Variants in CTNND2 observed in about 807,000 individuals in gnomAD.
CTNND2 encodes catenin delta-2.
A neutral mutation model predicts 144.4 loss-of-function variants in CTNND2; 22 were observed. The observed-to-expected ratio is 0.15, with a 90% CI of 0.11 to 0.22. The LOEUF (loss-of-function observed/expected upper bound fraction) is 0.22, where lower values mean the gene tolerates loss of function less well. CTNND2 is among the 10% of genes least tolerant of loss of function. The pLI is 1.00. For missense variants in CTNND2, 1,353 were observed against 1,618.8 expected (o/e 0.84, Z 2.82); for synonymous variants, 751 against 695.6 (o/e 1.08, Z -1.25).
intron 12 of CTNND2, among the ~76,000 whole-genome samples, chr5:11,157,971 G>A (rs1458692920): frequency 6.6e-6 from 1 of 152,176 alleles, no homozygotes; most frequent in Admixed American, 6.5e-5. Context: ...AGCCTACACT[G>A]GTCTAGCTTC....
At chr5:11,848,885 T>G (rs1008315970) in intron 1 of CTNND2, among the ~76,000 whole-genome samples, 1 of 152,068 alleles carries the variant, frequency 6.6e-6, no homozygotes, top group African/African-American at 2.4e-5. Context: ...CTTGGAACCA[T>G]CAGGAAAAAG....
intron 8 of CTNND2, among the ~76,000 whole-genome samples, chr5:11,347,633 G>A (rs1416362087): frequency 2.0e-5 from 3 of 152,170 alleles, no homozygotes; most frequent in South Asian, 4.1e-4. Flanking sequence ...ACAGCAGACA[G>A]CCCACTTGCT....
At chr5:11,441,271 C>A (rs1030614108) in intron 3 of CTNND2, among the ~76,000 whole-genome samples, 1 of 150,540 alleles carries the variant, frequency 6.6e-6, no homozygotes, top group African/African-American at 2.4e-5. Context: ...TTGCCCCGAA[C>A]AGAGTTGATA....
intron 10 of CTNND2, among the ~76,000 whole-genome samples, chr5:11,234,168 C>CGT (rs1420506393): frequency 6.6e-6 from 1 of 152,170 alleles, no homozygotes; most frequent in Non-Finnish European, 1.5e-5. Flanking sequence ...TATGTACACA[C>CGT]ACGCAGAGAC....
chr5:11,655,960 T>C (rs2727596), intron 2 of CTNND2, among the ~76,000 whole-genome samples: 55,377 of 151,752 alleles, frequency 0.36, 13,300 homozygotes, highest in African/African-American at 0.69. Flanking sequence ...ATTTCCATAA[T>C]GGTGTCATAA....
intron 9 of CTNND2, among the ~76,000 whole-genome samples, chr5:11,240,428 ACT>A (rs1238741928): frequency 2.2e-5 from 2 of 89,328 alleles, no homozygotes; most frequent in African/African-American, 4.7e-5. Flanking sequence ...ACTGACACAC[ACT>A]CACACACACC....
intron 15 of CTNND2, among the ~76,000 whole-genome samples, chr5:11,085,107 A>T (rs1382268051): frequency 6.6e-6 from 1 of 152,192 alleles, no homozygotes; most frequent in Non-Finnish European, 1.5e-5. Context: ...TGCTGGATGA[A>T]AAGGTGATTT....
intron 3 of CTNND2, among the ~76,000 whole-genome samples, chr5:11,463,647 T>C (rs760498992): frequency 1.1e-3 from 160 of 151,654 alleles, no homozygotes; most frequent in Admixed American, 4.6e-4. Flanking sequence ...CGCATGGATA[T>C]ACAGATACCT....
chr5:11,446,931 C>A (rs75088210), intron 3 of CTNND2, among the ~76,000 whole-genome samples: 1,797 of 152,196 alleles, frequency 0.012, 26 homozygotes, highest in African/African-American at 0.032. Flanking sequence ...TGGAACTTTA[C>A]TGCTCCTCTC....
intron 2 of CTNND2, among the ~76,000 whole-genome samples, chr5:11,712,920 A>G (rs1786115525): frequency 6.6e-6 from 1 of 152,250 alleles, no homozygotes; most frequent in Non-Finnish European, 1.5e-5. Context: ...AGCAGCACAC[A>G]AAAGCAGAGG....
chr5:11,781,735 T>G (rs1303855739), intron 1 of CTNND2, among the ~76,000 whole-genome samples: 3 of 152,204 alleles, frequency 2.0e-5, no homozygotes, highest in Non-Finnish European at 4.4e-5. Context: ...ACTGATCTTT[T>G]TTTCTTGGAA....
In CTNND2 at chr5:11,500,161, T is replaced by C. The variant is rs538690775; in HGVS notation, c.287+64783A>G. Among the ~76,000 whole-genome samples, 4 of 152,268 alleles carry C rather than the reference T, an allele frequency of 2.6e-5. No individual in the cohort carries two copies. In the South Asian group the frequency reaches 6.2e-4, roughly 24 times the overall value. ...TGATAAGAAACAGACCTTTCCTGTA[T>C]AGACACCCTCTATGCCTGCATATTA... On this transcript the variant is annotated intron_variant, in intron 3 of 21. Transcript: ENST00000304623.
At chr5:11,477,827 G>C (rs1480987265) in intron 3 of CTNND2, among the ~76,000 whole-genome samples, 5 of 152,182 alleles carry the variant, frequency 3.3e-5, no homozygotes, top group African/African-American at 1.2e-4. Context: ...TGTTTCCTTA[G>C]AAAAGTTGGG....
intron 9 of CTNND2, among the ~76,000 whole-genome samples, chr5:11,320,203 G>C (rs911343910): frequency 6.6e-6 from 1 of 152,198 alleles, no homozygotes; most frequent in African/African-American, 2.4e-5. Flanking sequence ...AATATTTTGT[G>C]TAACTCTCTT....
Position 11,022,881 on chromosome 5 carries a change from C to A in CTNND2, c.2887G>T (p.Val963Phe). Reference protein sequence around the residue: ...KAMSDDTVTAVCCTLHEVITK... With the variant: ...KAMSDDTVTAFCCTLHEVITK... Reference sequence around the variant, plus strand: ...ATCACTTCGTGCAGTGTGCAGCAGACAGCTGTCACTGTGTCATCCGACATG... The same window carrying A: ...ATCACTTCGTGCAGTGTGCAGCAGAAAGCTGTCACTGTGTCATCCGACATG... Residue 963 changes from valine to phenylalanine, a missense_variant, in exon 17 of 22, where the codon GTC becomes TTC. By Grantham distance (50) the Val-to-Phe change is conservative. This residue lies in a region of CTNND2 where 459 missense variants were observed against 674.3 expected (regional missense o/e 0.68). Coordinates refer to ENST00000304623, the MANE Select transcript of CTNND2 (RefSeq NM_001332.4). The A allele has an allele frequency of 6.2e-7, 1 of 1,614,196 alleles. No individual in the cohort carries two copies. The highest frequency in any genetic ancestry group is 2.2e-5 in the East Asian group (1 of 44,886).
intron 1 of CTNND2, among the ~76,000 whole-genome samples, chr5:11,875,684 C>G (rs762236834): frequency 6.6e-6 from 1 of 152,148 alleles, no homozygotes; most frequent in Non-Finnish European, 1.5e-5. Context: ...AGAACCCAAC[C>G]CTGCTGGCAG....
intron 12 of CTNND2, among the ~76,000 whole-genome samples, chr5:11,129,096 A>ATTATATATTTATATATAT (rs1755157405): frequency 2.8e-5 from 1 of 36,210 alleles, no homozygotes; most frequent in African/African-American, 8.4e-5. Context: ...TATATTATAT[A>ATTATATATTTATATATAT]TAAATAAAAT....
At chr5:11,227,646 T>C (rs1740504576) in intron 10 of CTNND2, among the ~76,000 whole-genome samples, 1 of 152,168 alleles carries the variant, frequency 6.6e-6, no homozygotes, top group South Asian at 2.1e-4. Context: ...CCAGTCTCAA[T>C]TTTTTTAACA....
At chr5:11,227,395 G>A (rs768407123) in intron 10 of CTNND2, among the ~76,000 whole-genome samples, 19 of 152,180 alleles carry the variant, frequency 1.2e-4, no homozygotes, top group Admixed American at 6.5e-4. Context: ...TCAAATGCAG[G>A]CAGCCTGGCT....
Sources: allele counts gnomAD v4.1 joint callset (sites outside exome capture counted in the v4.1 genomes callset), GRCh38; gene constraint gnomAD v4.1.1; regional missense constraint gnomAD v4.1.1; transcripts MANE v1.5; gene names NCBI Gene and HGNC (gene_info 2026-07-23, HGNC 2026-07-21).